POM121L2: variants seen among roughly 807,000 people sequenced by gnomAD.
POM121L2 encodes the protein POM121-like protein 2.
For synonymous variants in POM121L2, 459 were observed against 483.8 expected (o/e 0.95, Z 0.67); for missense variants, 1,167 against 1,260.3 (o/e 0.93, Z 1.12).
In POM121L2 at chr6:27,309,246, G is replaced by C; in HGVS notation, c.2925C>G (p.Val975=). Residue 975 remains valine (V), a synonymous_variant, in exon 1 of 1, where the codon GTC becomes GTG. Coordinates refer to ENST00000444565, the MANE Select transcript of POM121L2 (RefSeq NM_033482.4). ...TMAPIAQNTP[V]PGQAKAGSSV... ...TGCTGCCTGCCTTAGCTTGTCCAGG[G>C]ACTGGGGTGTTTTGAGCAATGGGGG... The C allele has an allele frequency of 6.4e-7, 1 of 1,551,834 alleles. No individual in the cohort carries two copies. The highest frequency in any genetic ancestry group is 1.2e-5 in the South Asian group (1 of 84,060).
At position 27,310,212 on chromosome 6, in the gene POM121L2, G is replaced by A. The variant is rs1277600463; in HGVS notation, c.1959C>T (p.Gly653=). 2 of 1,552,188 alleles carry A rather than the reference G, an allele frequency of 1.3e-6. No homozygotes were observed. Among genetic ancestry groups the A allele is most frequent in the African/African-American group, 2.7e-5 (2 of 73,064 alleles). ...AAGTGGAAGGGACAGAATAAGTGTT[G>A]CCTACGGCACTGGTGACATTCACTA... The part of the protein sequence containing the change: ...FGVVNVTSAV[G]NTYSVPSTCD... Residue 653 remains glycine, a synonymous_variant, in exon 1 of 1, where the codon GGC becomes GGT. Coordinates refer to ENST00000444565, the MANE Select transcript of POM121L2 (RefSeq NM_033482.4).
In POM121L2 at chr6:27,311,306, C is replaced by G. The variant is rs1373206915; in HGVS notation, c.865G>C (p.Glu289Gln). 6.4e-7 allele frequency: 1 copy of G among 1,551,658 alleles called. No individual in the cohort carries two copies. The highest frequency in any genetic ancestry group is 1.2e-5 in the South Asian group (1 of 84,052). The part of the protein sequence containing the change: ...FETPEWPIKK[E>Q]KSCHRPSSPV... ...GAGGAAGGCCGATGACAACTTTTTT[C>G]CTTTTTTATTGGCCACTCTGGTGTC... Residue 289 changes from glutamate to glutamine, a missense_variant, in exon 1 of 1, where the codon GAA becomes CAA. Physicochemically the swap from Glu to Gln is conservative, Grantham distance 29 (BLOSUM62 2). Transcript: ENST00000444565.
rs774337108 is a variant in POM121L2 at position 27,309,803 on chromosome 6, C to G, written c.2368G>C (p.Ala790Pro). ...NGQKQGPSQP[A>P]LMPSVSSSFL... ...GAACTACTGACACTTGGCATAAGGGCTGGCTGGGAAGGCCCTTGTTTCTGT... is the reference window on the plus strand; with the variant it reads ...GAACTACTGACACTTGGCATAAGGGGTGGCTGGGAAGGCCCTTGTTTCTGT... Residue 790 changes from alanine to proline, a missense_variant, in exon 1 of 1, where the codon GCC becomes CCC. Physicochemically the swap from Ala to Pro is conservative, Grantham distance 27. Transcript: ENST00000444565. The G allele has an allele frequency of 8.4e-6, 13 of 1,551,620 alleles. No homozygotes were observed. The South Asian group carries it at 1.5e-4, about 18-fold the overall frequency.
At position 27,310,527 on chromosome 6, in the gene POM121L2, G is replaced by A. The variant is rs768775547; in HGVS notation, c.1644C>T (p.Ser548=). 3.5e-5 allele frequency: 55 copies of A among 1,552,092 alleles called. No homozygotes were observed. The Middle Eastern group carries it at 5.0e-4, about 14-fold the overall frequency. ...TGACTGAAATTCTGGAATATGAGGA[G>A]CTTCCAATCTCGCTGTTGTGCAGGG... ...LGPLHNSEIG[S]SSYSRISVTA... The change falls in exon 1 of 1, where the codon AGC becomes AGT. Residue 548 remains serine (S), a synonymous_variant. Transcript: ENST00000444565.
In POM121L2 at chr6:27,310,672, G is replaced by A; in HGVS notation, c.1499C>T (p.Ala500Val). ...CAAAGTACTTTGGATGGTGGGTGGT[G>A]CAGGTGGGTCTGGGGGCATGGGAGA... ...DRSPMPPDPP[A>V]PPTIQSTLLG... is the part of the protein sequence containing the mutation. The change falls in exon 1 of 1, where the codon GCA becomes GTA. Residue 500 changes from alanine (A) to valine (V), a missense_variant. Transcript: ENST00000444565. 1 of 1,551,918 alleles carries A rather than the reference G, an allele frequency of 6.4e-7. No homozygotes were observed. Among genetic ancestry groups the A allele is most frequent in the Non-Finnish European group, 8.7e-7 (1 of 1,147,052 alleles).
chr6:27,311,904 C>T lies in POM121L2; in HGVS notation c.267G>A (p.Leu89=). ...FPMKKSQNSP[L]GPLPSDWWES... ...CCCACCAGTCTGAAGGGAGAGGCCC[C>T]AGGGGGGAATTCTGGGACTTCTTCA... Residue 89 remains leucine (L), a synonymous_variant, in exon 1 of 1, where the codon CTG becomes CTA. Coordinates refer to ENST00000444565, the MANE Select transcript of POM121L2 (RefSeq NM_033482.4). 6.4e-7 allele frequency: 1 copy of T among 1,551,710 alleles called. No individual in the cohort carries two copies. Among genetic ancestry groups the T allele is most frequent in the Non-Finnish European group, 8.7e-7 (1 of 1,147,012 alleles).
chr6:27,309,189 G>A lies in POM121L2; in HGVS notation c.2982C>T (p.Ala994=). ...SVGFGMPFPP[A]QGSVGRGPFR... ...AAGGTCCTCTCCCAACAGAGCCCTG[G>A]GCAGGTGGAAAAGGCATCCCAAAGC... Residue 994 remains alanine (A), a synonymous_variant, in exon 1 of 1, where the codon GCC becomes GCT. Coordinates refer to ENST00000444565, the MANE Select transcript of POM121L2 (RefSeq NM_033482.4). The A allele has an allele frequency of 1.9e-6, 3 of 1,551,748 alleles. No individual in the cohort carries two copies. Among genetic ancestry groups the A allele is most frequent in the Non-Finnish European group, 1.7e-6 (2 of 1,147,006 alleles).
In POM121L2 at chr6:27,312,111, G is replaced by C; in HGVS notation, c.60C>G (p.Thr20=). 4 of 1,473,146 alleles carry C rather than the reference G, an allele frequency of 2.7e-6. No homozygotes were observed. Among genetic ancestry groups the C allele is most frequent in the South Asian group, 1.4e-5 (1 of 70,262 alleles). The allele number at this position is 1,473,146 out of a possible 1,614,324, so 91.3% of individuals were successfully genotyped here. A position where few individuals can be genotyped will look rare whatever the true frequency, so the allele number is the denominator to read the frequency against. The change falls in exon 1 of 1, where the codon ACC becomes ACG. Residue 20 remains threonine (T), a synonymous_variant. Coordinates refer to ENST00000444565, the MANE Select transcript of POM121L2 (RefSeq NM_033482.4). The surrounding 1 kb of genome is among the most constrained non-coding windows in gnomAD (Gnocchi z 6.7). ...GTTTCGTGGGCCTCTCGGGCAAGTC[G>C]GTGCGCACCTGGGCTGGGGACGAGG... ...LSPSSPAQVR[T]DLPERPTKRR...
In POM121L2 at chr6:27,311,813, T is replaced by C. The variant is rs760052265; in HGVS notation, c.358A>G (p.Ile120Val). The C allele has an allele frequency of 1.3e-6, 2 of 1,551,616 alleles. No homozygotes were observed. The highest frequency in any genetic ancestry group is 2.4e-5 in the South Asian group (2 of 84,068). Residue 120 changes from isoleucine to valine, a missense_variant, in exon 1 of 1, where the codon ATC (isoleucine) becomes GTC (valine). Ile to Val is a conservative substitution (Grantham distance 29). Transcript: ENST00000444565. ...CTCTGGTCAGGAGGAGTGATCCTGATGGTCACTGGGCTCCAAATTGGCCTG... is the reference window on the plus strand; with the variant it reads ...CTCTGGTCAGGAGGAGTGATCCTGACGGTCACTGGGCTCCAAATTGGCCTG... ...HPRPIWSPVT[I>V]RITPPDQRVP...
rs764814690 is a variant in POM121L2 at position 27,310,628 on chromosome 6, G to C, written c.1543C>G (p.Pro515Ala). ...GCAGATGCAGAAAGATGGGATGTTGGGCTACTCACCATTCCAAGCAAAGTA... is the reference window on the plus strand; with the variant it reads ...GCAGATGCAGAAAGATGGGATGTTGCGCTACTCACCATTCCAAGCAAAGTA... ...QSTLLGMVSS[P>A]TSHLSASAPP... Residue 515 changes from proline to alanine, a missense_variant, in exon 1 of 1, where the codon CCA (proline) becomes GCA (alanine). Transcript: ENST00000444565. 1.3e-6 allele frequency: 2 copies of C among 1,551,850 alleles called. No individual in the cohort carries two copies. The highest frequency in any genetic ancestry group is 2.4e-5 in the South Asian group (2 of 84,050).
chr6:27,310,703 C>A lies in POM121L2; in HGVS notation c.1468G>T (p.Asp490Tyr). 2 of 1,551,870 alleles carry A rather than the reference C, an allele frequency of 1.3e-6. No homozygotes were observed. The highest frequency in any genetic ancestry group is 1.7e-6 in the Non-Finnish European group (2 of 1,147,050). Residue 490 changes from aspartate to tyrosine, a missense_variant, in exon 1 of 1, where the codon GAC (aspartate) becomes TAC (tyrosine). Asp to Tyr is a radical substitution (Grantham distance 160). Transcript: ENST00000444565. ...GGGTCTGGGGGCATGGGAGACCTGT[C>A]AGCCTGAGAGGTTGAAGGCGGCCAG... is the stretch of plus-strand genomic sequence containing the variant. Reference protein sequence around the residue: ...TTWPPSTSQADRSPMPPDPPA... With the variant: ...TTWPPSTSQAYRSPMPPDPPA...
Position 27,310,355 on chromosome 6 carries a change from T to A in POM121L2, c.1816A>T (p.Thr606Ser). Reference sequence around the variant, plus strand: ...TGGAAATGATGGGTAGAAGCATGAGTAAATGGAGGAGGGGTCTGCTTGGAG... The same window carrying A: ...TGGAAATGATGGGTAGAAGCATGAGAAAATGGAGGAGGGGTCTGCTTGGAG... ...FSSKQTPPPF[T>S]HASTHHFHGL... Residue 606 changes from threonine (T) to serine (S), a missense_variant, in exon 1 of 1, where the codon ACT (threonine) becomes TCT (serine). Thr to Ser is a moderately conservative substitution (Grantham distance 58). Transcript: ENST00000444565. 6.4e-7 allele frequency: 1 copy of A among 1,551,666 alleles called. No individual in the cohort carries two copies. Among genetic ancestry groups the A allele is most frequent in the South Asian group, 1.2e-5 (1 of 84,056 alleles).
In POM121L2 at chr6:27,312,223, G is replaced by C; in HGVS notation, c.-53C>G. 8.9e-7 allele frequency: 1 copy of C among 1,129,544 alleles called. No homozygotes were observed. The highest frequency in any genetic ancestry group is 1.2e-6 in the Non-Finnish European group (1 of 823,686). 70.0% of individuals were successfully genotyped at this position (1,129,544 alleles called of 1,614,324 possible). Reference sequence around the variant, plus strand: ...TTCAAGCACGGTTTTGGCTTCCGAGGTTTCGGACGTCTGCAGAATCGGACA... The same window carrying C: ...TTCAAGCACGGTTTTGGCTTCCGAGCTTTCGGACGTCTGCAGAATCGGACA... On this transcript the variant is annotated 5_prime_UTR_variant, in exon 1 of 1. Transcript: ENST00000444565. This position sits in a 1 kb window ranked among gnomAD's most constrained non-coding sequence, Gnocchi z 6.7.
At position 27,310,850 on chromosome 6, in the gene POM121L2, G is replaced by C; in HGVS notation, c.1321C>G (p.Pro441Ala). 6.4e-7 allele frequency: 1 copy of C among 1,551,726 alleles called. No individual in the cohort carries two copies. The highest frequency in any genetic ancestry group is 1.2e-5 in the South Asian group (1 of 84,052). The change falls in exon 1 of 1, where the codon CCG (proline) becomes GCG (alanine). Residue 441 changes from proline to alanine, a missense_variant. Coordinates refer to ENST00000444565, the MANE Select transcript of POM121L2 (RefSeq NM_033482.4). ...GACTGTGAGCACCCAGGTGGGGTCG[G>C]TAGGCTGGGTGTCTTCAAAGGAGAA... ...AHSPLKTPSL[P>A]TPPGCSQSEL...
chr6:27,311,406 A>T lies in POM121L2; in HGVS notation c.765T>A (p.Ala255=), dbSNP rs16897553. The change falls in exon 1 of 1, where the codon GCT becomes GCA. Residue 255 remains alanine (A), a synonymous_variant. Coordinates refer to ENST00000444565, the MANE Select transcript of POM121L2 (RefSeq NM_033482.4). ...TGCAAGAGCTGTAAGAGCTGCCAAT[A>T]GCATTCCTTTTGGAGCTGAGGGTGC... ...RGGTLSSKRN[A]IGSSYSSCRN... is the part of the protein sequence containing the mutation. The T allele has an allele frequency of 0.012, 18,131 of 1,551,784 alleles. 429 individuals carry two copies. The highest frequency in any genetic ancestry group is 0.094 in the African/African-American group (6,894 of 73,152).
In POM121L2 at chr6:27,311,362, C is replaced by G. The variant is rs1236032510; in HGVS notation, c.809G>C (p.Trp270Ser). The G allele has an allele frequency of 6.4e-7, 1 of 1,551,684 alleles. No homozygotes were observed. The highest frequency in any genetic ancestry group is 2.0e-5 in the Admixed American group (1 of 50,990). Reference sequence around the variant, plus strand: ...TGATACACTGGGAACACTTCTCTTCCAAGGGTCTGAGAAATTTCTGCAAGA... The same window carrying G: ...TGATACACTGGGAACACTTCTCTTCGAAGGGTCTGAGAAATTTCTGCAAGA... ...YSSCRNFSDP[W>S]KRSVPSVSFE... The change falls in exon 1 of 1, where the codon TGG (tryptophan) becomes TCG (serine). Residue 270 changes from tryptophan to serine, a missense_variant. Trp to Ser is a radical substitution (Grantham distance 177). Coordinates refer to ENST00000444565, the MANE Select transcript of POM121L2 (RefSeq NM_033482.4).
In POM121L2 at chr6:27,310,684, G is replaced by A. The variant is rs1329855119; in HGVS notation, c.1487C>T (p.Pro496Leu). 2 of 1,551,792 alleles carry A rather than the reference G, an allele frequency of 1.3e-6. No homozygotes were observed. Among genetic ancestry groups the A allele is most frequent in the African/African-American group, 1.4e-5 (1 of 73,028 alleles). The change falls in exon 1 of 1, where the codon CCA (proline) becomes CTA (leucine). Residue 496 changes from proline to leucine, a missense_variant. By Grantham distance (98) the Pro-to-Leu change is moderately conservative (BLOSUM62 -3). Coordinates refer to ENST00000444565, the MANE Select transcript of POM121L2 (RefSeq NM_033482.4). ...GATGGTGGGTGGTGCAGGTGGGTCT[G>A]GGGGCATGGGAGACCTGTCAGCCTG... is the stretch of plus-strand genomic sequence containing the variant. ...TSQADRSPMP[P>L]DPPAPPTIQS...
Position 27,310,708 on chromosome 6 carries a change from T to C in POM121L2, c.1463A>G (p.Gln488Arg). 1 of 1,551,836 alleles carries C rather than the reference T, an allele frequency of 6.4e-7. No homozygotes were observed. The highest frequency in any genetic ancestry group is 8.7e-7 in the Non-Finnish European group (1 of 1,147,028). The change falls in exon 1 of 1, where the codon CAG becomes CGG. Residue 488 changes from glutamine to arginine, a missense_variant. Coordinates refer to ENST00000444565, the MANE Select transcript of POM121L2 (RefSeq NM_033482.4). The part of the protein sequence containing the change: ...TDTTWPPSTS[Q>R]ADRSPMPPDP... ...TGGGGGCATGGGAGACCTGTCAGCC[T>C]GAGAGGTTGAAGGCGGCCAGGTGGT...
rs573922133 is a variant in POM121L2, at chr6:27,309,666, G to A, written c.2505C>T (p.Ala835=). ...QSALGCLTPS[A]STSQTPASTW... is the part of the protein sequence containing the mutation. ...TGCTGGCAGGGGTTTGAGAGGTGGA[G>A]GCTGAGGGTGTCAAACACCCCAAGG... The change falls in exon 1 of 1, where the codon GCC becomes GCT. Residue 835 remains alanine, a synonymous_variant. Transcript: ENST00000444565. The A allele has an allele frequency of 5.2e-6, 8 of 1,551,628 alleles. No homozygotes were observed. The highest frequency in any genetic ancestry group is 5.2e-6 in the Non-Finnish European group (6 of 1,147,030).
Sources: gnomAD v4.1 joint callset for allele counts on GRCh38, gnomAD v4.1.1 for gene constraint, Gnocchi (gnomAD v3.1) non-coding constraint, MANE v1.5 for transcripts, NCBI Gene and HGNC (gene_info 2026-07-23, HGNC 2026-07-21) for gene names.